Variants in MBTPS2 observed in about 807,000 individuals in gnomAD.
MBTPS2 encodes the protein membrane-bound transcription factor site-2 protease.
In MBTPS2, 2 loss-of-function variants were observed where a neutral mutation model predicts 35.4. The ratio of observed to expected loss-of-function variants is 0.06; its 90% confidence interval spans 0.02 to 0.18. The LOEUF is 0.18. MBTPS2 is among the 10% of genes least tolerant of loss of function. MBTPS2 has a pLI of 1.00. For missense variants in MBTPS2, 244 were observed against 386.5 expected, an observed-to-expected ratio of 0.63 and a Z score of 3.09; for synonymous variants, 125 against 140.4, an observed-to-expected ratio of 0.89 and a Z score of 0.77.
chrX:21,862,955 T>TATATATATATATAG (rs2092934551), intron 5 of MBTPS2, among the ~76,000 whole-genome samples: 4 of 53,780 alleles, frequency 7.4e-5, no homozygotes, highest in Non-Finnish European at 1.3e-4. Context: ...TATATATATA[T>TATATATATATATAG]ATATATATAT....
chrX:21,844,274 A>G (rs911016880), intron 2 of MBTPS2, among the ~76,000 whole-genome samples: 73 of 111,352 alleles, frequency 6.6e-4, no homozygotes, highest in African/African-American at 2.3e-3. Flanking sequence ...GCACTTTAGG[A>G]GGCCGAGATG....
intron 5 of MBTPS2, among the ~76,000 whole-genome samples, chrX:21,855,555 C>T (rs973552439): frequency 8.2e-5 from 9 of 109,803 alleles, no homozygotes; most frequent in Non-Finnish European, 1.3e-4. Flanking sequence ...CCTCAGCCTC[C>T]CGAGTAGCTA....
intron 7 of MBTPS2, chrX:21,870,608 A>G (rs1427638409): frequency 8.9e-6 from 1 of 112,270 alleles, no homozygotes; most frequent in East Asian, 2.8e-4. Context: ...CTTAATACTT[A>G]AACAGTTCTA....
At chrX:21,849,507 T>C (rs945777045) in intron 3 of MBTPS2, among the ~76,000 whole-genome samples, 2 of 111,567 alleles carry the variant, frequency 1.8e-5, no homozygotes, top group African/African-American at 6.5e-5. Context: ...GCTTTTAGAG[T>C]ATAATTTGAT....
chrX:21,885,089 A>G lies in MBTPS2; in HGVS notation c.*2434A>G. 4.0e-6 allele frequency: 3 copies of G among 749,568 alleles called. No individual in the cohort carries two copies. Among genetic ancestry groups the G allele is most frequent in the Non-Finnish European group, 4.7e-6 (3 of 634,902 alleles). 61.8% of individuals were successfully genotyped at this position (749,568 alleles called of 1,213,427 possible). A position where few individuals can be genotyped will look rare whatever the true frequency, so the allele number is the denominator to read the frequency against. ...TTTTGACAGTTTTTTTTAATCACCT[A>G]CAATCTGTAAAGAATGTATATATTC... On this transcript the variant is annotated 3_prime_UTR_variant, in exon 11 of 11. Transcript: ENST00000379484.
chrX:21,858,888 CAAAA>C (rs5901684), intron 5 of MBTPS2, among the ~76,000 whole-genome samples: 2 of 61,890 alleles, frequency 3.2e-5, no homozygotes, highest in Admixed American at 2.0e-4. Flanking sequence ...GACCTTGTGT[CAAAA>C]AAAAAAAAAA....
At chrX:21,875,122 T>C (rs1457209640) in intron 7 of MBTPS2, among the ~76,000 whole-genome samples, 1 of 112,590 alleles carries the variant, frequency 8.9e-6, no homozygotes, top group Admixed American at 9.4e-5. Context: ...GATTTCTGTT[T>C]TGCTTGGAAT....
Position 21,860,888 on chromosome X carries a change from A to G in MBTPS2, c.670+7385A>G, listed in dbSNP as rs774079511. ...AAGCAGTACAAGAAAACACAAGTGAATATCTTTTATAATCTTGAGGTGGAA... is the reference window on the plus strand; with the variant it reads ...AAGCAGTACAAGAAAACACAAGTGAGTATCTTTTATAATCTTGAGGTGGAA... On this transcript the variant is annotated intron_variant, in intron 5 of 10. Transcript: ENST00000379484. Among the ~76,000 whole-genome samples, 9 of 112,305 alleles carry G rather than the reference A, an allele frequency of 8.0e-5. No homozygotes were observed. In the East Asian group the frequency reaches 1.7e-3, roughly 21 times the overall value.
At position 21,843,155 on chromosome X, in the gene MBTPS2, T is replaced by G. The variant is rs1346429514; in HGVS notation, c.76-15T>G. On this transcript the variant is annotated splice_polypyrimidine_tract_variant and intron_variant, in intron 1 of 10. Coordinates refer to ENST00000379484, the MANE Select transcript of MBTPS2 (RefSeq NM_015884.4). ...TTCAAAATTGAGTGATGTAGAACTT[T>G]TCTTTCTCTCTTAGTCATCTGTCTA... 2 of 1,199,227 alleles carry G rather than the reference T, an allele frequency of 1.7e-6. No homozygotes were observed. The highest frequency in any genetic ancestry group is 3.0e-5 in the East Asian group (1 of 33,823).
intron 2 of MBTPS2, among the ~76,000 whole-genome samples, chrX:21,844,615 C>T (rs1251950718): frequency 2.7e-5 from 3 of 112,594 alleles, no homozygotes; most frequent in Admixed American, 9.4e-5. Flanking sequence ...ATAAATTTGA[C>T]AGTTTTAGTG....
chrX:21,871,865 T>C (rs1182355742), intron 7 of MBTPS2: 3 of 110,871 alleles, frequency 2.7e-5, no homozygotes, highest in Non-Finnish European at 5.7e-5. Context: ...GTCCATGGCG[T>C]TGATTAGATT....
intron 7 of MBTPS2, 85 bp downstream of exon 7, chrX:21,869,763 A>C: frequency 1.3e-6 from 1 of 764,173 alleles, no homozygotes; most frequent in Non-Finnish European, 2.0e-6. Context: ...CTATACATTT[A>C]TTCTGTTCTA....
At chrX:21,841,269 AAGTT>A (rs2092902234) in intron 1 of MBTPS2, among the ~76,000 whole-genome samples, 1 of 111,382 alleles carries the variant, frequency 9.0e-6, no homozygotes, top group African/African-American at 3.3e-5. Context: ...AAAAATTTAA[AAGTT>A]AGCCAACCAT....
chrX:21,872,726 G>C (rs1337952324), intron 7 of MBTPS2: 5 of 108,586 alleles, frequency 4.6e-5, no homozygotes, highest in African/African-American at 1.3e-4. Flanking sequence ...AAATGCAGTT[G>C]TGCTTACAAT....
intron 9 of MBTPS2, among the ~76,000 whole-genome samples, chrX:21,880,558 A>G (rs1409568837): frequency 9.0e-6 from 1 of 111,489 alleles, no homozygotes; most frequent in Non-Finnish European, 1.9e-5. Context: ...AGAAAAAAAA[A>G]AGACCTGAAA....
intron 1 of MBTPS2, among the ~76,000 whole-genome samples, chrX:21,840,803 A>G (rs764857011): frequency 7.1e-5 from 8 of 112,408 alleles, no homozygotes; most frequent in African/African-American, 2.6e-4. Context: ...TGTAAAGTGC[A>G]GGAGGTTACA....
chrX:21,851,140 G>T (rs2092914256), intron 3 of MBTPS2, among the ~76,000 whole-genome samples: 1 of 111,555 alleles, frequency 9.0e-6, no homozygotes, highest in South Asian at 3.8e-4. Context: ...AGCCCTTGAG[G>T]TTGGGTCAGC....
At chrX:21,857,591 A>G (rs2092924950) in intron 5 of MBTPS2, 2 of 1,202,157 alleles carry the variant, frequency 1.7e-6, no homozygotes, top group Non-Finnish European at 1.1e-6. Context: ...TGAAGACCAA[A>G]AACAACCCGT....
intron 5 of MBTPS2, among the ~76,000 whole-genome samples, chrX:21,867,709 G>C (rs568732457): frequency 2.9e-5 from 3 of 105,130 alleles, no homozygotes; most frequent in Admixed American, 1.0e-4. Flanking sequence ...CACGATCTCA[G>C]CTCACTGTAG....
Sources: gnomAD v4.1 joint callset for allele counts (sites outside exome capture counted in the v4.1 genomes callset) on GRCh38, gnomAD v4.1.1 for gene constraint, MANE v1.5 for transcripts, NCBI Gene and HGNC (gene_info 2026-07-23, HGNC 2026-07-21) for gene names.